The following HAUS2 variants were observed in gnomAD, a reference collection of about 807,000 sequenced individuals.
HAUS2 encodes the protein HAUS augmin-like complex subunit 2.
Under a neutral mutation model 21.6 loss-of-function variants are expected in HAUS2, and 20 were observed. The observed-to-expected ratio is 0.93, with a 90% confidence interval of 0.65 to 1.35. The LOEUF (loss-of-function observed/expected upper bound fraction) is 1.35, where lower values mean the gene tolerates loss of function less well. Ranked by LOEUF, HAUS2 falls within the 40% of genes most tolerant of loss-of-function variation. HAUS2 has a pLI of 0.00. For missense variants in HAUS2, 297 were observed against 280.7 expected, an observed-to-expected ratio of 1.06 and a Z score of -0.42; for synonymous variants, 113 against 95.6, an observed-to-expected ratio of 1.18 and a Z score of -1.06.
chr15:42,566,984 G>T lies in HAUS2; in HGVS notation c.*168G>T. The T allele has an allele frequency of 2.2e-6, 1 of 453,178 alleles. No homozygotes were observed. Among genetic ancestry groups the T allele is most frequent in the Non-Finnish European group, 3.9e-6 (1 of 256,762 alleles). The allele number at this position is 453,178 out of a possible 1,614,324, so 28.1% of individuals were successfully genotyped here. ...TTAAGACCAAACTGACTTTTCCTTT[G>T]TTTTTCATATATTTTTATTCTACCT... On this transcript the variant is annotated 3_prime_UTR_variant, in exon 6 of 6. Coordinates refer to ENST00000260372, the MANE Select transcript of HAUS2 (RefSeq NM_018097.3).
chr15:42,561,020 A>G, intron 3 of HAUS2: 2 of 582,936 alleles, frequency 3.4e-6, no homozygotes, highest in Admixed American at 6.4e-5. Context: ...ACACAGAGAA[A>G]GAATTTAGCA....
chr15:42,548,910 C>T lies in HAUS2; in HGVS notation c.38C>T (p.Pro13Leu), dbSNP rs2057686352. Residue 13 changes from proline to leucine, a missense_variant, in exon 1 of 6, where the codon CCT becomes CTT. By Grantham distance (98) the Pro-to-Leu change is moderately conservative (BLOSUM62 -3). Transcript: ENST00000260372. Reference protein sequence around the residue: ...AANPWDPASAPNGAGLVLGHF... With the variant: ...AANPWDPASALNGAGLVLGHF... ...AACCCGTGGGACCCGGCGTCCGCGCCTAACGGCGCTGGGCTAGTGCTAGGC... is the reference window on the plus strand; with the variant it reads ...AACCCGTGGGACCCGGCGTCCGCGCTTAACGGCGCTGGGCTAGTGCTAGGC... The T allele has an allele frequency of 2.6e-6, 4 of 1,551,426 alleles. No individual in the cohort carries two copies. The highest frequency in any genetic ancestry group is 4.9e-5 in the East Asian group (2 of 41,134).
rs1291058525 is a variant in HAUS2 at position 42,561,315 on chromosome 15, C to T, written c.302C>T (p.Ala101Val). ...CAAAGCATGAATAATCATTTGGAAG[C>T]AGTGCTGAAAGAGAAGAGATCCCTT... ...TLQSMNNHLE[A>V]VLKEKRSLRQ... Residue 101 changes from alanine to valine, a missense_variant, in exon 4 of 6, where the codon GCA becomes GTA. By Grantham distance (64) the Ala-to-Val change is moderately conservative. Coordinates refer to ENST00000260372, the MANE Select transcript of HAUS2 (RefSeq NM_018097.3). The T allele has an allele frequency of 6.4e-7, 1 of 1,567,408 alleles. No individual in the cohort carries two copies. Among genetic ancestry groups the T allele is most frequent in the Non-Finnish European group, 8.8e-7 (1 of 1,137,678 alleles).
At chr15:42,551,350 C>T (rs926481367) in intron 1 of HAUS2, among the ~76,000 whole-genome samples, 4 of 151,876 alleles carry the variant, frequency 2.6e-5, no homozygotes, top group African/African-American at 7.3e-5. Context: ...TTGGCAAACT[C>T]ATAATAGAAA....
At chr15:42,560,920 T>C in intron 3 of HAUS2, 2 of 691,390 alleles carry the variant, frequency 2.9e-6, no homozygotes, top group Non-Finnish European at 5.2e-6. Context: ...TGGTCTTTTA[T>C]AGACTATTAG....
rs1272840107 is a variant in HAUS2 at position 42,557,862 on chromosome 15, A to C, written c.94-336A>C. Among the ~76,000 whole-genome samples, 3 of 152,146 alleles carry C rather than the reference A, an allele frequency of 2.0e-5. No individual in the cohort carries two copies. In the South Asian group the frequency reaches 6.2e-4, roughly 31 times the overall value. ...GAGACTGGGCCTGAGTCATTTGGAA[A>C]GGTAGAGGTGATTCTCCAACAAATT... is the stretch of plus-strand genomic sequence containing the variant. On this transcript the variant is annotated intron_variant, in intron 1 of 5. Transcript: ENST00000260372.
chr15:42,564,199 G>A (rs1448676479), intron 5 of HAUS2, among the ~76,000 whole-genome samples: 2 of 150,404 alleles, frequency 1.3e-5, no homozygotes, highest in Non-Finnish European at 2.9e-5. Flanking sequence ...CTGGGAGGCA[G>A]AAGTTGCAGT....
At chr15:42,556,262 T>A (rs1245512260) in intron 1 of HAUS2, among the ~76,000 whole-genome samples, 3 of 69,520 alleles carry the variant, frequency 4.3e-5, no homozygotes, top group African/African-American at 9.3e-5. Context: ...GCGCCCAGGC[T>A]TTTTTTTTTT....
chr15:42,548,948 T>C lies in HAUS2; in HGVS notation c.76T>C (p.Ser26Pro). 2 of 1,550,272 alleles carry C rather than the reference T, an allele frequency of 1.3e-6. No homozygotes were observed. Among genetic ancestry groups the C allele is most frequent in the Non-Finnish European group, 1.7e-6 (2 of 1,144,896 alleles). Reference sequence around the variant, plus strand: ...GCTAGTGCTAGGCCACTTCATAGCTTCGGGGATGGTCAATCAGGTACGTGG... The same window carrying C: ...GCTAGTGCTAGGCCACTTCATAGCTCCGGGGATGGTCAATCAGGTACGTGG... ...AGLVLGHFIA[S>P]GMVNQEMLNM... The change falls in exon 1 of 6, where the codon TCG becomes CCG. Residue 26 changes from serine to proline, a missense_variant. By Grantham distance (74) the Ser-to-Pro change is moderately conservative. Coordinates refer to ENST00000260372, the MANE Select transcript of HAUS2 (RefSeq NM_018097.3).
chr15:42,553,254 G>T (rs2057742930), intron 1 of HAUS2, among the ~76,000 whole-genome samples: 1 of 151,966 alleles, frequency 6.6e-6, no homozygotes, highest in African/African-American at 2.4e-5. Context: ...CAAAGTGCTG[G>T]GATTACAGGC....
intron 1 of HAUS2, 130 bp downstream of exon 1, chr15:42,549,095 C>T (rs2057689788): frequency 8.4e-6 from 5 of 592,610 alleles, no homozygotes; most frequent in Admixed American, 6.1e-5. Context: ...TAATAAGAGC[C>T]CCTTCCAGGC....
intron 1 of HAUS2, among the ~76,000 whole-genome samples, chr15:42,556,159 A>C (rs1595548763): frequency 1.5e-5 from 2 of 134,170 alleles, no homozygotes; most frequent in African/African-American, 2.9e-5. Flanking sequence ...ACAGAGTTTC[A>C]CCATGTTGGC....
chr15:42,563,280 T>TGGG (rs1045731930), intron 4 of HAUS2, among the ~76,000 whole-genome samples: 1 of 150,832 alleles, frequency 6.6e-6, no homozygotes, highest in African/African-American at 2.4e-5. Context: ...GGCGTGGTGG[T>TGGG]GGGCGCCTGT....
rs1301944153 is a variant in HAUS2 at position 42,561,394 on chromosome 15, T to G, written c.381T>G (p.Val127=). The G allele has an allele frequency of 1.2e-6, 2 of 1,603,912 alleles. No homozygotes were observed. Among genetic ancestry groups the G allele is most frequent in the Non-Finnish European group, 1.7e-6 (2 of 1,171,174 alleles). ...AGGAAAACTTACCTATTGAAGCTGT[T>G]TATCACAGGTTAGACTGAAAAGTAG... ...MCQENLPIEA[V]YHRYMVHLLE... Residue 127 remains valine (V), a synonymous_variant, in exon 4 of 6, where the codon GTT becomes GTG. Transcript: ENST00000260372.
Position 42,548,902 on chromosome 15 carries a change from G to A in HAUS2, c.30G>A (p.Ala10=), listed in dbSNP as rs199814168. 2.1e-4 allele frequency: 322 copies of A among 1,551,000 alleles called. No individual in the cohort carries two copies. The highest frequency in any genetic ancestry group is 1.5e-3 in the East Asian group (61 of 41,078). The change falls in exon 1 of 6, where the codon GCG becomes GCA. Residue 10 remains alanine (A), a synonymous_variant. Coordinates refer to ENST00000260372, the MANE Select transcript of HAUS2 (RefSeq NM_018097.3). ...CCGCTGCCAACCCGTGGGACCCGGC[G>A]TCCGCGCCTAACGGCGCTGGGCTAG... is the stretch of plus-strand genomic sequence containing the variant. MAAANPWDP[A]SAPNGAGLVL... is the part of the protein sequence containing the mutation.
intron 1 of HAUS2, among the ~76,000 whole-genome samples, chr15:42,555,809 A>G (rs1952448335): frequency 6.6e-6 from 1 of 152,174 alleles, no homozygotes; most frequent in Non-Finnish European, 1.5e-5. Flanking sequence ...TAAATATGTA[A>G]GGCTTTGTGG....
rs533568451 is a variant in HAUS2, at chr15:42,556,162, A to G, written c.94-2036A>G. Among the ~76,000 whole-genome samples the G allele has an allele frequency of 4.0e-3, 538 of 134,078 alleles. 8 individuals carry two copies. The highest frequency in any genetic ancestry group is 0.015 in the African/African-American group (513 of 34,752). 88.0% of individuals were successfully genotyped at this position (134,078 alleles called of 152,430 possible). Reference sequence around the variant, plus strand: ...TTTTGAATAGAGACAGAGTTTCACCATGTTGGCCAGGCTGGTCTCAAACTC... The same window carrying G: ...TTTTGAATAGAGACAGAGTTTCACCGTGTTGGCCAGGCTGGTCTCAAACTC... On this transcript the variant is annotated intron_variant, in intron 1 of 5. Transcript: ENST00000260372.
At chr15:42,549,318 C>G (rs1018485955) in intron 1 of HAUS2, among the ~76,000 whole-genome samples, 20 of 151,904 alleles carry the variant, frequency 1.3e-4, no homozygotes, top group Non-Finnish European at 1.5e-5. Flanking sequence ...TCGTTCTGTC[C>G]CCTTGCGGAA....
chr15:42,554,928 A>G (rs1443816782), intron 1 of HAUS2, among the ~76,000 whole-genome samples: 1 of 151,590 alleles, frequency 6.6e-6, no homozygotes, highest in East Asian at 1.9e-4. Flanking sequence ...CCCAGGCTCA[A>G]GGGATCTTCC....
Sources: allele counts gnomAD v4.1 joint callset (sites outside exome capture counted in the v4.1 genomes callset), GRCh38; gene constraint gnomAD v4.1.1; transcripts MANE v1.5; gene names NCBI Gene and HGNC (gene_info 2026-07-23, HGNC 2026-07-21).